Variants in PPP2R2B observed in about 807,000 individuals in gnomAD.
The protein encoded by PPP2R2B is serine/threonine-protein phosphatase 2A 55 kDa regulatory subunit B beta isoform.
In PPP2R2B, 5 loss-of-function variants were observed where a neutral mutation model predicts 46.0. The observed-to-expected ratio is 0.11, with a 90% CI of 0.06 to 0.23. The LOEUF (loss-of-function observed/expected upper bound fraction) is 0.23. Among genes scored for constraint, PPP2R2B ranks in the 10% least tolerant of loss-of-function variants. The pLI, the probability that PPP2R2B is intolerant of heterozygous loss-of-function variation, is 1.00. For synonymous variants in PPP2R2B, 215 were observed against 206.7 expected (o/e 1.04, Z -0.34); for missense variants, 367 against 575.0 (o/e 0.64, Z 3.70).
intron 6 of PPP2R2B, among the ~76,000 whole-genome samples, chr5:146,646,205 C>T (rs916860846): frequency 2.6e-5 from 4 of 152,144 alleles, no homozygotes; most frequent in Admixed American, 6.6e-5. Context: ...AATTTATCAT[C>T]GTTGAGGGCT....
At chr5:146,703,560 G>A (rs1466754372) in intron 2 of PPP2R2B, among the ~76,000 whole-genome samples, 1 of 152,174 alleles carries the variant, frequency 6.6e-6, no homozygotes, top group Non-Finnish European at 1.5e-5. Flanking sequence ...AGAGAGTTAA[G>A]TAGCTTTTCC....
intron 4 of PPP2R2B, among the ~76,000 whole-genome samples, chr5:146,694,426 G>T (rs890339529): frequency 4.6e-5 from 7 of 152,130 alleles, no homozygotes; most frequent in African/African-American, 1.7e-4. Context: ...TTTTTGTTGC[G>T]TGGCTTTGGA....
chr5:147,078,248 C>A (rs1757851380), intron 2 of PPP2R2B, among the ~76,000 whole-genome samples: 1 of 152,126 alleles, frequency 6.6e-6, no homozygotes, highest in African/African-American at 2.4e-5. Flanking sequence ...AAGTATTGAG[C>A]ACTGACGCCA....
At chr5:147,018,709 T>C (rs1278209124) in intron 1 of PPP2R2B, among the ~76,000 whole-genome samples, 1 of 152,116 alleles carries the variant, frequency 6.6e-6, no homozygotes, top group Admixed American at 6.6e-5. Flanking sequence ...ATGGGACCCC[T>C]TGCAGGAGAA....
intron 1 of PPP2R2B, among the ~76,000 whole-genome samples, chr5:147,001,761 A>G (rs1268577635): frequency 6.6e-6 from 1 of 152,180 alleles, no homozygotes; most frequent in Non-Finnish European, 1.5e-5. Context: ...GCCAGTTAAA[A>G]GCAACTAGTG....
chr5:146,940,070 G>A (rs1764272970), intron 1 of PPP2R2B, among the ~76,000 whole-genome samples: 2 of 152,160 alleles, frequency 1.3e-5, no homozygotes, highest in African/African-American at 4.8e-5. Flanking sequence ...AAGATTTCAA[G>A]TGCCATGGAA....
At chr5:147,037,067 G>T (rs542277521) in intron 1 of PPP2R2B, among the ~76,000 whole-genome samples, 2 of 152,204 alleles carry the variant, frequency 1.3e-5, no homozygotes, top group Admixed American at 1.3e-4. Context: ...GCCCACGTTA[G>T]CATACAGTAG....
intron 2 of PPP2R2B, among the ~76,000 whole-genome samples, chr5:146,855,854 C>A (rs1384937868): frequency 4.6e-5 from 7 of 152,176 alleles, no homozygotes. Flanking sequence ...AAAAGCCTAG[C>A]AGAAGCCTTC....
chr5:146,630,006 G>A (rs1197312379), intron 7 of PPP2R2B, among the ~76,000 whole-genome samples: 3 of 152,168 alleles, frequency 2.0e-5, no homozygotes, highest in Non-Finnish European at 4.4e-5. Context: ...TAGAGATGGG[G>A]TTTTGCCATG....
At chr5:146,720,230 T>C (rs1262891687) in intron 2 of PPP2R2B, among the ~76,000 whole-genome samples, 4 of 152,176 alleles carry the variant, frequency 2.6e-5, no homozygotes, top group African/African-American at 4.8e-5. Flanking sequence ...CAAGTGCAAG[T>C]ATGGAATGAA....
intron 2 of PPP2R2B, among the ~76,000 whole-genome samples, chr5:146,758,735 G>C (rs1320341466): frequency 2.6e-5 from 4 of 152,160 alleles, no homozygotes. Flanking sequence ...CTGGGGAATG[G>C]AAGGACACTG....
At chr5:146,741,988 A>T (rs1561871643) in intron 2 of PPP2R2B, among the ~76,000 whole-genome samples, 1 of 152,144 alleles carries the variant, frequency 6.6e-6, no homozygotes, top group Non-Finnish European at 1.5e-5. Flanking sequence ...GGATTTTCTT[A>T]ATCGAGCCCA....
chr5:146,694,811 A>T (rs976072332), intron 4 of PPP2R2B, among the ~76,000 whole-genome samples: 3 of 152,078 alleles, frequency 2.0e-5, no homozygotes, highest in African/African-American at 7.2e-5. Flanking sequence ...TTTCTTTTAT[A>T]TTTATGTATA....
At chr5:146,943,672 T>G (rs1764393479) in intron 1 of PPP2R2B, among the ~76,000 whole-genome samples, 1 of 151,870 alleles carries the variant, frequency 6.6e-6, no homozygotes, top group Admixed American at 6.6e-5. Flanking sequence ...AGAGAGGCAC[T>G]CATTTTTTTT....
At chr5:146,845,315 T>TTCTTTG (rs1554144662) in intron 2 of PPP2R2B, among the ~76,000 whole-genome samples, 1 of 125,506 alleles carries the variant, frequency 8.0e-6, no homozygotes, top group Non-Finnish European at 1.7e-5. Context: ...CTTTTTTTTG[T>TTCTTTG]TTTTTTTTGA....
chr5:146,810,970 G>T (rs1252197584), intron 2 of PPP2R2B, among the ~76,000 whole-genome samples: 1 of 148,248 alleles, frequency 6.7e-6, no homozygotes, highest in East Asian at 2.0e-4. Flanking sequence ...GAGAACATGC[G>T]GTGTTTGGTT....
chr5:146,870,685 C>T (rs1761566246), intron 2 of PPP2R2B, among the ~76,000 whole-genome samples: 2 of 152,192 alleles, frequency 1.3e-5, no homozygotes, highest in African/African-American at 4.8e-5. Flanking sequence ...CGCCACGCTC[C>T]GTCCAACAGA....
At chr5:146,895,893 G>A (rs529186123) in intron 1 of PPP2R2B, among the ~76,000 whole-genome samples, 2 of 152,214 alleles carry the variant, frequency 1.3e-5, no homozygotes, top group South Asian at 2.1e-4. Context: ...TACATAATTG[G>A]AAGACATCAA....
chr5:146,834,081 T>C (rs887073089), intron 2 of PPP2R2B, among the ~76,000 whole-genome samples: 8 of 152,196 alleles, frequency 5.3e-5, no homozygotes, highest in Non-Finnish European at 1.2e-4. Flanking sequence ...TGGAAAAATA[T>C]ACTTTTATGA....
Sources: gnomAD v4.1 joint callset for allele counts (sites outside exome capture counted in the v4.1 genomes callset) on GRCh38, gnomAD v4.1.1 for gene constraint, MANE v1.5 for transcripts, NCBI Gene and HGNC (gene_info 2026-07-23, HGNC 2026-07-21) for gene names.